The following ARHGAP11A variants were observed in gnomAD, a reference collection of about 807,000 sequenced individuals.
ARHGAP11A encodes Rho GTPase activating protein 11A.
ARHGAP11A carries 36 observed loss-of-function variants against 60.5 expected under a neutral mutation model. That is an observed-to-expected ratio of 0.59 (90% CI 0.46 to 0.79). ARHGAP11A has a LOEUF of 0.79. ARHGAP11A is among the 30% of genes least tolerant of loss of function. ARHGAP11A has a pLI of 0.00. For synonymous variants in ARHGAP11A, 362 were observed against 415.5 expected, an observed-to-expected ratio of 0.87 and a Z score of 1.57; for missense variants, 1,071 against 1,199.2, an observed-to-expected ratio of 0.89 and a Z score of 1.58.
At chr15:32,632,797 A>G (rs1322221557) in intron 8 of ARHGAP11A, 182 bp from the exon 9 acceptor site, 1 of 495,802 alleles carries the variant, frequency 2.0e-6, no homozygotes, top group African/African-American at 1.9e-5. Flanking sequence ...GTAAAAAATG[A>G]ATGCTTTTTC....
intron 5 of ARHGAP11A, 45 bp from the exon 6 acceptor site, chr15:32,625,442 G>A (rs1567053021): frequency 6.3e-7 from 1 of 1,596,058 alleles, no homozygotes; most frequent in Non-Finnish European, 8.5e-7. Flanking sequence ...GGGGAAGAGT[G>A]GAGGAAGGAT....
In ARHGAP11A at chr15:32,635,715, G is replaced by C. The variant is rs1595776566; in HGVS notation, c.1345-62G>C. 20 of 1,187,782 alleles carry C rather than the reference G, an allele frequency of 1.7e-5. No individual in the cohort carries two copies. The East Asian group carries it at 5.7e-4, about 34-fold the overall frequency. 73.6% of individuals were successfully genotyped at this position (1,187,782 alleles called of 1,614,324 possible). A position where few individuals can be genotyped will look rare whatever the true frequency, so the allele number is the denominator to read the frequency against. On this transcript the variant is annotated intron_variant, in intron 10 of 11. Transcript: ENST00000361627. ...TTTGATAACTACAAAAAATTATTCT[G>C]TCTTTATATTTTGAATTAACTAGGC...
At position 32,625,573 on chromosome 15, in the gene ARHGAP11A, G is replaced by T; in HGVS notation, c.802G>T (p.Glu268Ter). The T allele has an allele frequency of 6.2e-7, 1 of 1,613,952 alleles. No individual in the cohort carries two copies. Among genetic ancestry groups the T allele is most frequent in the Non-Finnish European group, 8.5e-7 (1 of 1,179,848 alleles). ...TGCTACTCCATCACTGGAAGGCTTT[G>T]AAGAAGGTGAATATGAAACTCCTGG... is the stretch of plus-strand genomic sequence containing the variant. ...LCATPSLEGF[E>*]EGEYETPGEY... The change falls in exon 6 of 12, where the codon GAA becomes TAA. Residue 268 changes from glutamate (E) to a stop codon, truncating the protein, a stop_gained. Coordinates refer to ENST00000361627, the MANE Select transcript of ARHGAP11A (RefSeq NM_014783.6). LOFTEE classifies it high-confidence loss of function.
At position 32,637,339 on chromosome 15, in the gene ARHGAP11A, A is replaced by G; in HGVS notation, c.2566A>G (p.Thr856Ala). 6.2e-7 allele frequency: 1 copy of G among 1,614,206 alleles called. No individual in the cohort carries two copies. The highest frequency in any genetic ancestry group is 8.5e-7 in the Non-Finnish European group (1 of 1,180,026). Residue 856 changes from threonine to alanine, a missense_variant, in exon 12 of 12, where the codon ACA (threonine) becomes GCA (alanine). By Grantham distance (58) the Thr-to-Ala change is moderately conservative (BLOSUM62 0). Around this residue, in one of 4 missense-constraint regions of ARHGAP11A, gnomAD observed 776 missense variants for 760.2 expected, o/e 1.02. Transcript: ENST00000361627. The part of the protein sequence containing the change: ...NSLLEYSRQP[T>A]GHKLASLGDT... ...TTTGTTGGAGTATAGCAGACAACCT[A>G]CAGGGCATAAGTTGGCGAGTCTTGG...
intron 9 of ARHGAP11A, 110 bp from the exon 10 acceptor site, chr15:32,633,823 C>A (rs979318575): frequency 2.0e-5 from 13 of 650,742 alleles, no homozygotes; most frequent in Admixed American, 2.0e-4. Context: ...ATTAATCCAT[C>A]CAATTATTAT....
intron 2 of ARHGAP11A, among the ~76,000 whole-genome samples, chr15:32,621,968 T>C (rs2053333642): frequency 6.6e-6 from 1 of 152,312 alleles, no homozygotes; most frequent in African/African-American, 2.4e-5. Context: ...TGACATGTCA[T>C]CCAAAAGCAA....
chr15:32,629,617 G>T lies in ARHGAP11A; in HGVS notation c.960G>T (p.Val320=). The T allele has an allele frequency of 2.5e-6, 4 of 1,609,154 alleles. No homozygotes were observed. Among genetic ancestry groups the T allele is most frequent in the Non-Finnish European group, 3.4e-6 (4 of 1,178,232 alleles). The change falls in exon 8 of 12, where the codon GTG becomes GTT. Residue 320 remains valine (V), a synonymous_variant. Transcript: ENST00000361627. The stretch of plus-strand genomic sequence containing the variant: ...CAGCCCAGCTATCTGAATCACCAGT[G>T]ATTCTTACACCAAATGCTAAGCGTA... ...ERIAQLSESP[V]ILTPNAKRTL...
chr15:32,634,747 CT>C (rs1314079731), intron 10 of ARHGAP11A, among the ~76,000 whole-genome samples: 1 of 152,192 alleles, frequency 6.6e-6, no homozygotes, highest in East Asian at 1.9e-4. Flanking sequence ...GCAAATCGTT[CT>C]TCCAGTCACT....
At chr15:32,626,536 C>T (rs923093875) in intron 6 of ARHGAP11A, among the ~76,000 whole-genome samples, 5 of 152,156 alleles carry the variant, frequency 3.3e-5, no homozygotes, top group Non-Finnish European at 5.9e-5. Context: ...TTTGTTATTG[C>T]ATACTTGTGT....
At chr15:32,620,389 A>G (rs1441482540) in intron 2 of ARHGAP11A, among the ~76,000 whole-genome samples, 2 of 152,100 alleles carry the variant, frequency 1.3e-5, no homozygotes, top group Non-Finnish European at 2.9e-5. Flanking sequence ...GGGTGGGAGG[A>G]TTGCTTGAGC....
intron 2 of ARHGAP11A, among the ~76,000 whole-genome samples, chr15:32,622,157 G>T (rs1371213832): frequency 6.6e-6 from 1 of 152,312 alleles, no homozygotes; most frequent in African/African-American, 2.4e-5. Flanking sequence ...AGGAGCTCAT[G>T]CCTGTTATGC....
rs1001829788 is a variant in ARHGAP11A at position 32,624,228 on chromosome 15, C to G, written c.353C>G (p.Ala118Gly). The change falls in exon 4 of 12, where the codon GCG becomes GGG. Residue 118 changes from alanine to glycine, a missense_variant. Physicochemically the swap from Ala to Gly is moderately conservative, Grantham distance 60. Around this residue, in one of 4 missense-constraint regions of ARHGAP11A, gnomAD observed 71 missense variants for 142.4 expected, o/e 0.50. Transcript: ENST00000361627. The stretch of plus-strand genomic sequence containing the variant: ...TCTTCTGCACCTCCTTGTGATATTG[C>G]GGGACTTCTTAAGCAGTTTTTTAGG... Reference protein sequence around the residue: ...CLSSAPPCDIAGLLKQFFREL... With the variant: ...CLSSAPPCDIGGLLKQFFREL... 6 of 1,612,222 alleles carry G rather than the reference C, an allele frequency of 3.7e-6. No homozygotes were observed. In the East Asian group the frequency reaches 1.3e-4, roughly 36 times the overall value.
chr15:32,636,046 G>C, intron 11 of ARHGAP11A, 131 bp downstream of exon 11: 1 of 1,377,640 alleles, frequency 7.3e-7, no homozygotes, highest in Non-Finnish European at 9.4e-7. Context: ...GAAAATATTA[G>C]AATTGGCAAT....
At chr15:32,634,083 C>G in intron 10 of ARHGAP11A, 42 bp downstream of exon 10, 1 of 1,361,908 alleles carries the variant, frequency 7.3e-7, no homozygotes, top group Non-Finnish European at 1.0e-6. Context: ...ATTAGCATAA[C>G]GCTATAAACT....
intron 8 of ARHGAP11A, 88 bp from the exon 9 acceptor site, chr15:32,632,891 G>T: frequency 8.3e-7 from 1 of 1,212,028 alleles, no homozygotes; most frequent in South Asian, 2.1e-5. Flanking sequence ...AGAAATTAAG[G>T]CTTTGAATCT....
upstream of ARHGAP11A, chr15:32,615,432 G>C (rs990941647): frequency 6.6e-6 from 1 of 151,870 alleles, no homozygotes; most frequent in Non-Finnish European, 1.5e-5. Flanking sequence ...ATTTTGAAAA[G>C]AGGAGTGGAC....
chr15:32,616,284 G>C lies in ARHGAP11A; in HGVS notation c.73G>C (p.Gly25Arg). 6.2e-7 allele frequency: 1 copy of C among 1,614,072 alleles called. No individual in the cohort carries two copies. Among genetic ancestry groups the C allele is most frequent in the African/African-American group, 1.3e-5 (1 of 74,992 alleles). Residue 25 changes from glycine (G) to arginine (R), a missense_variant, in exon 1 of 12, where the codon GGT (glycine) becomes CGT (arginine). Transcript: ENST00000361627. The stretch of plus-strand genomic sequence containing the variant: ...GGCCTTCTATGGTATTAAGGTGAAG[G>C]GTGTCCGTGGGCAGTGCGATCGCAG... The part of the protein sequence containing the change: ...LRAFYGIKVK[G>R]VRGQCDRRRH...
At chr15:32,630,824 C>G (rs920828761) in intron 8 of ARHGAP11A, among the ~76,000 whole-genome samples, 1 of 151,874 alleles carries the variant, frequency 6.6e-6, no homozygotes, top group African/African-American at 2.4e-5. Flanking sequence ...TTGCAGTGTT[C>G]ACAGGTTGGA....
chr15:32,618,950 C>CA (rs542657363), intron 1 of ARHGAP11A, among the ~76,000 whole-genome samples: 1 of 151,684 alleles, frequency 6.6e-6, no homozygotes, highest in Non-Finnish European at 1.5e-5. Flanking sequence ...GACTCCCTCT[C>CA]AAAAAAAATA....
Sources: gnomAD v4.1 joint callset for allele counts (sites outside exome capture counted in the v4.1 genomes callset) on GRCh38, gnomAD v4.1.1 for gene constraint, gnomAD v4.1.1 regional missense constraint, MANE v1.5 for transcripts, NCBI Gene and HGNC (gene_info 2026-07-23, HGNC 2026-07-21) for gene names.